Variants in ROR1 observed in about 807,000 individuals in gnomAD.
ROR1 encodes inactive tyrosine-protein kinase transmembrane receptor ROR1.
ROR1 carries 19 observed loss-of-function variants against 78.8 expected under a neutral mutation model. That is an observed-to-expected ratio of 0.24 (90% CI 0.17 to 0.35). ROR1 has a LOEUF of 0.35. Among genes scored for constraint, ROR1 ranks in the 10% least tolerant of loss-of-function variants. ROR1 has a pLI of 1.00. For synonymous variants in ROR1, 386 were observed against 433.6 expected (o/e 0.89, Z 1.36); for missense variants, 917 against 1,177.8 (o/e 0.78, Z 3.24).
intron 1 of ROR1, among the ~76,000 whole-genome samples, chr1:63,928,552 G>A (rs931258867): frequency 6.6e-6 from 1 of 152,172 alleles, no homozygotes; most frequent in Non-Finnish European, 1.5e-5. Flanking sequence ...TATAAACATA[G>A]CACACCTTTC....
chr1:63,948,256 A>C (rs563741724), intron 1 of ROR1, among the ~76,000 whole-genome samples: 3 of 152,292 alleles, frequency 2.0e-5, no homozygotes, highest in African/African-American at 7.2e-5. Flanking sequence ...TTTACAATAG[A>C]TACTATAATA....
chr1:63,995,051 G>A (rs1171794738), intron 1 of ROR1, among the ~76,000 whole-genome samples: 1 of 152,174 alleles, frequency 6.6e-6, no homozygotes, highest in Non-Finnish European at 1.5e-5. Context: ...GCGACAAACA[G>A]CTAGGTTGTT....
chr1:64,100,187 T>A (rs569197763), intron 4 of ROR1, among the ~76,000 whole-genome samples: 27 of 152,016 alleles, frequency 1.8e-4, no homozygotes, highest in African/African-American at 5.8e-4. Context: ...GGTATTTTTT[T>A]TAAAAAAAAG....
intron 1 of ROR1, among the ~76,000 whole-genome samples, chr1:63,878,482 G>T (rs973466555): frequency 5.1e-5 from 6 of 116,622 alleles, no homozygotes; most frequent in Non-Finnish European, 5.3e-5. Context: ...TCACCACATT[G>T]TAGCTGGAGT....
intron 1 of ROR1, among the ~76,000 whole-genome samples, chr1:63,998,494 A>G (rs1646357364): frequency 1.3e-5 from 2 of 152,190 alleles, no homozygotes; most frequent in Non-Finnish European, 2.9e-5. Context: ...TTGTGCATCA[A>G]CATATTCTGT....
intron 1 of ROR1, among the ~76,000 whole-genome samples, chr1:63,857,692 G>A (rs1243757152): frequency 6.6e-6 from 1 of 152,208 alleles, no homozygotes; most frequent in African/African-American, 2.4e-5. Flanking sequence ...CAGTGGATAT[G>A]TGCCACTAGA....
At chr1:64,036,043 C>G (rs1324298898) in intron 2 of ROR1, among the ~76,000 whole-genome samples, 2 of 152,150 alleles carry the variant, frequency 1.3e-5, no homozygotes, top group African/African-American at 4.8e-5. Context: ...CATACTTGCC[C>G]TTTGGTACCC....
intron 1 of ROR1, among the ~76,000 whole-genome samples, chr1:63,993,199 A>G (rs1646310074): frequency 2.0e-5 from 3 of 152,262 alleles, no homozygotes; most frequent in African/African-American, 4.8e-5. Context: ...GCAACCTGAG[A>G]TGTTCATTTC....
At chr1:64,134,065 A>G (rs886713775) in intron 4 of ROR1, among the ~76,000 whole-genome samples, 4 of 152,218 alleles carry the variant, frequency 2.6e-5, no homozygotes, top group African/African-American at 9.7e-5. Flanking sequence ...AGCCACTTGG[A>G]AAGAAGTTAT....
intron 4 of ROR1, among the ~76,000 whole-genome samples, chr1:64,064,504 C>A (rs946223688): frequency 2.6e-5 from 4 of 152,162 alleles, no homozygotes; most frequent in Non-Finnish European, 4.4e-5. Context: ...CAGATGCTGA[C>A]CCAAGCAGGA....
At chr1:63,978,513 C>G (rs934366725) in intron 1 of ROR1, among the ~76,000 whole-genome samples, 2 of 152,152 alleles carry the variant, frequency 1.3e-5, no homozygotes, top group African/African-American at 4.8e-5. Context: ...ATTCTGTCTG[C>G]AATTCCCAAA....
chr1:63,967,539 G>C lies in ROR1; in HGVS notation c.92-41766G>C, dbSNP rs547293780. Among the ~76,000 whole-genome samples the C allele has an allele frequency of 3.9e-5, 6 of 152,176 alleles. No individual in the cohort carries two copies. The South Asian group carries it at 1.2e-3, about 32-fold the overall frequency. ...CCACCCCTGGCCTCCACTCATCTTA[G>C]GAGTTCTCCTCCTCTATCCCTACCA... On this transcript the variant is annotated intron_variant, in intron 1 of 8. Coordinates refer to ENST00000371079, the MANE Select transcript of ROR1 (RefSeq NM_005012.4).
intron 1 of ROR1, among the ~76,000 whole-genome samples, chr1:64,000,544 C>T (rs542992786): frequency 6.6e-6 from 1 of 152,270 alleles, no homozygotes; most frequent in East Asian, 1.9e-4. Flanking sequence ...TTTCCACTGT[C>T]CCTAAGGAGA....
At chr1:63,815,841 T>C (rs972007078) in intron 1 of ROR1, among the ~76,000 whole-genome samples, 1 of 151,962 alleles carries the variant, frequency 6.6e-6, no homozygotes, top group Non-Finnish European at 1.5e-5. Flanking sequence ...ACTGACACAG[T>C]CCTGGGGTGG....
chr1:63,863,707 CATTGTATTGTATTGTATTGTATTGT>C (rs61123882), intron 1 of ROR1, among the ~76,000 whole-genome samples: 1,377 of 66,000 alleles, frequency 0.021, 13 homozygotes, highest in Middle Eastern at 0.038. Flanking sequence ...TCAACACTGC[CATTGTATTGTATTGTATTGTATTGT>C]ATTGTATTGT....
chr1:64,119,257 AT>A (rs1648437373), intron 4 of ROR1, among the ~76,000 whole-genome samples: 1 of 152,022 alleles, frequency 6.6e-6, no homozygotes, highest in African/African-American at 2.4e-5. Context: ...CCCCAGTTGA[AT>A]TTTTCTGAGA....
At chr1:63,984,580 G>A (rs1646236002) in intron 1 of ROR1, among the ~76,000 whole-genome samples, 1 of 152,158 alleles carries the variant, frequency 6.6e-6, no homozygotes, top group Admixed American at 6.5e-5. Context: ...TTAACTTTAT[G>A]TTGACCTTCT....
At chr1:63,831,168 AC>A (rs1355325029) in intron 1 of ROR1, among the ~76,000 whole-genome samples, 1 of 152,170 alleles carries the variant, frequency 6.6e-6, no homozygotes, top group Non-Finnish European at 1.5e-5. Flanking sequence ...TTCCAGGTGC[AC>A]AGTGCAAGCT....
intron 4 of ROR1, among the ~76,000 whole-genome samples, chr1:64,127,155 C>T (rs10489904): frequency 0.092 from 13,939 of 152,166 alleles, 813 homozygotes; most frequent in Non-Finnish European, 0.13. Flanking sequence ...CTTTACATGG[C>T]GGTGTTATTT....
Sources: gnomAD v4.1 joint callset for allele counts (sites outside exome capture counted in the v4.1 genomes callset) on GRCh38, gnomAD v4.1.1 for gene constraint, MANE v1.5 for transcripts, NCBI Gene and HGNC (gene_info 2026-07-23, HGNC 2026-07-21) for gene names.